CDH13: variants seen among roughly 807,000 people sequenced by gnomAD.
CDH13 encodes cadherin-13.
CDH13 carries 24 observed loss-of-function variants against 63.8 expected under a neutral mutation model. The ratio of observed to expected loss-of-function variants is 0.38; its 90% CI spans 0.27 to 0.53. The LOEUF is 0.53. CDH13 is among the 20% of genes least tolerant of loss of function. The pLI is 0.85. For synonymous variants in CDH13, 503 were observed against 355.3 expected (o/e 1.42, Z -4.67); for missense variants, 1,049 against 903.1 (o/e 1.16, Z -2.07).
rs1383267896 is a variant in CDH13 at position 83,551,842 on chromosome 16, T to C, written c.961-50612T>C. 3.9e-5 allele frequency among the ~76,000 whole-genome samples: 6 copies of C among 152,218 alleles called. No homozygotes were observed. In the East Asian group the frequency reaches 1.2e-3, roughly 29 times the overall value. On this transcript the variant is annotated intron_variant, in intron 7 of 13. Transcript: ENST00000567109. ...AGGGGCCATAACATCTTTTTCACTG[T>C]TCCTTCCAGCAACTAATATGGTTCC... is the stretch of plus-strand genomic sequence containing the variant.
chr16:82,699,871 C>T (rs2030776560), intron 1 of CDH13, among the ~76,000 whole-genome samples: 2 of 152,192 alleles, frequency 1.3e-5, no homozygotes, highest in African/African-American at 4.8e-5. Flanking sequence ...TTATGAAGGT[C>T]CACATGGGTG....
intron 10 of CDH13, among the ~76,000 whole-genome samples, chr16:83,706,351 G>A (rs963327336): frequency 1.3e-4 from 20 of 152,138 alleles, no homozygotes; most frequent in African/African-American, 1.4e-4. Context: ...CATGAAGGCC[G>A]TCATAAACGC....
At position 83,549,590 on chromosome 16, in the gene CDH13, C is replaced by A. The variant is rs148529423; in HGVS notation, c.961-52864C>A. 2.6e-5 allele frequency among the ~76,000 whole-genome samples: 4 copies of A among 151,896 alleles called. No homozygotes were observed. The East Asian group carries it at 5.8e-4, about 22-fold the overall frequency. ...GCATAGAGCACTCCCTAACCCCACT[C>A]CCGTAGCACTGGGACTATAGCTTTA... On this transcript the variant is annotated intron_variant, in intron 7 of 13. Coordinates refer to ENST00000567109, the MANE Select transcript of CDH13 (RefSeq NM_001257.5).
intron 7 of CDH13, among the ~76,000 whole-genome samples, chr16:83,539,422 A>T (rs1033571572): frequency 1.3e-5 from 2 of 152,140 alleles, no homozygotes; most frequent in African/African-American, 4.8e-5. Flanking sequence ...CAGGCCATGG[A>T]CCAGCACTGG....
chr16:83,666,578 T>G (rs1437804087), intron 8 of CDH13, among the ~76,000 whole-genome samples: 1 of 152,236 alleles, frequency 6.6e-6, no homozygotes, highest in Non-Finnish European at 1.5e-5. Context: ...CTCTACCACC[T>G]CTGGAGTCTG....
At chr16:82,670,605 G>A (rs1307175010) in intron 1 of CDH13, among the ~76,000 whole-genome samples, 1 of 152,178 alleles carries the variant, frequency 6.6e-6, no homozygotes, top group Non-Finnish European at 1.5e-5. Flanking sequence ...ATAATTAGGG[G>A]ATGAGCTTCC....
At chr16:83,574,090 C>T (rs1904890770) in intron 7 of CDH13, among the ~76,000 whole-genome samples, 1 of 152,114 alleles carries the variant, frequency 6.6e-6, no homozygotes, top group African/African-American at 2.4e-5. Context: ...GCGAAATGGG[C>T]AGCTGCTGAA....
chr16:82,801,028 G>T (rs973705970), intron 1 of CDH13, among the ~76,000 whole-genome samples: 6 of 152,158 alleles, frequency 3.9e-5, no homozygotes, highest in African/African-American at 1.4e-4. Context: ...GACCCTTATT[G>T]AGCAAAGATT....
intron 2 of CDH13, among the ~76,000 whole-genome samples, chr16:82,957,530 G>C (rs1906297490): frequency 6.6e-6 from 1 of 152,264 alleles, no homozygotes; most frequent in Admixed American, 6.5e-5. Flanking sequence ...GAAGTCAGGT[G>C]CCTCCCAAGT....
intron 5 of CDH13, among the ~76,000 whole-genome samples, chr16:83,314,999 C>G (rs563825972): frequency 6.6e-6 from 1 of 152,172 alleles, no homozygotes; most frequent in Admixed American, 6.5e-5. Flanking sequence ...TGAATCCTGG[C>G]TCCACCCTGT....
Position 83,125,519 on chromosome 16 carries a change from C to A in CDH13, c.483+18C>A. 1.5e-6 allele frequency: 2 copies of A among 1,298,176 alleles called. No individual in the cohort carries two copies. The highest frequency in any genetic ancestry group is 2.2e-6 in the Non-Finnish European group (2 of 893,982). The allele number at this position is 1,298,176 out of a possible 1,614,324, so 80.4% of individuals were successfully genotyped here. A position where few individuals can be genotyped will look rare whatever the true frequency, so the allele number is the denominator to read the frequency against. ...TTGGCAAGGTAAGTCAGACAAACAG[C>A]AAATGACAAAAACATGTTTTTATGA... is the stretch of plus-strand genomic sequence containing the variant. On this transcript the variant is annotated intron_variant, in intron 4 of 13. Transcript: ENST00000567109.
At chr16:83,439,155 G>A (rs760720572) in intron 6 of CDH13, among the ~76,000 whole-genome samples, 6 of 152,124 alleles carry the variant, frequency 3.9e-5, no homozygotes, top group Non-Finnish European at 5.9e-5. Flanking sequence ...TAAAATCAGA[G>A]TAATAATAGT....
At chr16:82,777,869 CT>C (rs1373267018) in intron 1 of CDH13, among the ~76,000 whole-genome samples, 3 of 152,154 alleles carry the variant, frequency 2.0e-5, no homozygotes, top group Non-Finnish European at 4.4e-5. Flanking sequence ...AATTCCTTGC[CT>C]TTTGGACAGC....
chr16:82,737,956 T>C (rs1055558697), intron 1 of CDH13, among the ~76,000 whole-genome samples: 1 of 152,194 alleles, frequency 6.6e-6, no homozygotes, highest in Admixed American at 6.5e-5. Context: ...CCAGTGTTTG[T>C]TGATTTGTTT....
intron 2 of CDH13, among the ~76,000 whole-genome samples, chr16:83,019,582 G>A (rs1350591424): frequency 6.8e-6 from 1 of 147,896 alleles, no homozygotes; most frequent in Non-Finnish European, 1.5e-5. Flanking sequence ...TACAGCCTCT[G>A]CCTCCTGGGT....
At chr16:82,856,148 G>A (rs1483045301) in intron 1 of CDH13, among the ~76,000 whole-genome samples, 3 of 151,934 alleles carry the variant, frequency 2.0e-5, no homozygotes, top group Admixed American at 6.6e-5. Context: ...AGGCCGAGGT[G>A]GGTGGATCAC....
intron 1 of CDH13, among the ~76,000 whole-genome samples, chr16:82,661,706 A>G (rs77736415): frequency 0.038 from 5,756 of 152,318 alleles, 143 homozygotes; most frequent in Non-Finnish European, 0.058. Flanking sequence ...ATTCCATCAG[A>G]AATGAATGTA....
intron 3 of CDH13, among the ~76,000 whole-genome samples, chr16:83,046,642 C>A (rs1214695811): frequency 6.6e-6 from 1 of 152,160 alleles, no homozygotes; most frequent in Admixed American, 6.5e-5. Flanking sequence ...AGAGCAGGTG[C>A]TTCCCTAGGG....
At chr16:83,526,623 A>G (rs989003124) in intron 7 of CDH13, among the ~76,000 whole-genome samples, 2 of 152,170 alleles carry the variant, frequency 1.3e-5, no homozygotes, top group Non-Finnish European at 2.9e-5. Flanking sequence ...CTAACAGCGT[A>G]CAGACTAGTT....
Sources: gnomAD v4.1 joint callset for allele counts (sites outside exome capture counted in the v4.1 genomes callset) on GRCh38, gnomAD v4.1.1 for gene constraint, MANE v1.5 for transcripts, NCBI Gene and HGNC (gene_info 2026-07-23, HGNC 2026-07-21) for gene names.